Variants in KIDINS220 observed in about 807,000 individuals in gnomAD.
The protein encoded by KIDINS220 is kinase D interacting substrate 220.
KIDINS220 carries 63 observed loss-of-function variants against 157.6 expected under a neutral mutation model. That is an observed-to-expected ratio of 0.40 (90% CI 0.33 to 0.49). The LOEUF (loss-of-function observed/expected upper bound fraction) is 0.49, where lower values mean the gene tolerates loss of function less well. Ranked by LOEUF, KIDINS220 falls within the 20% of genes least tolerant of loss-of-function variation. The pLI is 0.66. For missense variants in KIDINS220, 1,772 were observed against 2,171.2 expected (o/e 0.82, Z 3.65); for synonymous variants, 732 against 783.6 (o/e 0.93, Z 1.10).
At chr2:8,803,459 T>C (rs1038106910) in intron 7 of KIDINS220, among the ~76,000 whole-genome samples, 4 of 152,126 alleles carry the variant, frequency 2.6e-5, no homozygotes, top group African/African-American at 9.7e-5. Context: ...AGGGTGACTA[T>C]TTTAACACCT....
At chr2:8,741,391 AC>A (rs1665605365) in intron 26 of KIDINS220, among the ~76,000 whole-genome samples, 1 of 152,204 alleles carries the variant, frequency 6.6e-6, no homozygotes, top group South Asian at 2.1e-4. Flanking sequence ...ACATGGCTAA[AC>A]ACTGTTTCTA....
chr2:8,787,576 A>G (rs1355573338), intron 15 of KIDINS220, among the ~76,000 whole-genome samples: 4 of 151,896 alleles, frequency 2.6e-5, no homozygotes, highest in Admixed American at 2.6e-4. Flanking sequence ...GCCTTTACCC[A>G]GGCTTGTTTT....
chr2:8,741,949 C>G (rs529867934), intron 26 of KIDINS220, among the ~76,000 whole-genome samples: 3 of 152,174 alleles, frequency 2.0e-5, no homozygotes, highest in Non-Finnish European at 4.4e-5. Context: ...TGCAAAGTCG[C>G]TGAGAGCTGA....
chr2:8,733,294 T>A lies in KIDINS220; in HGVS notation c.4053+150A>T. 5 of 692,278 alleles carry A rather than the reference T, an allele frequency of 7.2e-6. No homozygotes were observed. The South Asian group carries it at 9.8e-5, about 14-fold the overall frequency. 42.9% of individuals were successfully genotyped at this position (692,278 alleles called of 1,614,324 possible). A position where few individuals can be genotyped will look rare whatever the true frequency, so the allele number is the denominator to read the frequency against. ...CCCTCTCCACATGGATGCAGCTCCT[T>A]GAGTACAGGGAGCCCTCCATCTTGT... On this transcript the variant is annotated intron_variant, in intron 29 of 29. Transcript: ENST00000256707.
chr2:8,725,903 A>C (rs185019917), downstream of KIDINS220, among the ~76,000 whole-genome samples: 34 of 152,354 alleles, frequency 2.2e-4, no homozygotes, highest in Admixed American at 1.8e-3. Flanking sequence ...AGCACATACC[A>C]CTAGTGTAAA....
At chr2:8,789,253 T>C (rs1257353548) in intron 14 of KIDINS220, among the ~76,000 whole-genome samples, 3 of 151,922 alleles carry the variant, frequency 2.0e-5, no homozygotes. Flanking sequence ...ATACCAATGA[T>C]GGCTTTGAAG....
rs1558306918 is a variant in KIDINS220, at chr2:8,733,582, A to C, written c.3915T>G (p.Ala1305=). ...GCAGCTCGTTGTGGGAAGCGCGGCG[A>C]GCAGGCTCACCGTGCGGGGCTGGGC... ...SSGPAPHGEP[A]RRASHNELPH... is the part of the protein sequence containing the mutation. The change falls in exon 29 of 30, where the codon GCT becomes GCG. Residue 1305 remains alanine, a synonymous_variant. Coordinates refer to ENST00000256707, the MANE Select transcript of KIDINS220 (RefSeq NM_020738.4). 1.9e-6 allele frequency: 3 copies of C among 1,614,116 alleles called. No individual in the cohort carries two copies. The highest frequency in any genetic ancestry group is 3.3e-4 in the Middle Eastern group (2 of 6,060).
chr2:8,788,963 T>A (rs1572663866), intron 14 of KIDINS220, 151 bp from the exon 15 acceptor site: 1 of 642,156 alleles, frequency 1.6e-6, no homozygotes, highest in East Asian at 2.8e-5. Context: ...AAGAATTCCA[T>A]TAACCTCCCC....
chr2:8,770,183 T>C (rs1286042897), intron 22 of KIDINS220, among the ~76,000 whole-genome samples: 1 of 151,968 alleles, frequency 6.6e-6, no homozygotes. Context: ...ACAGGAGAAA[T>C]GCTTGAGCCC....
chr2:8,730,338 T>G lies in KIDINS220; in HGVS notation c.*382A>C. 9.9e-7 allele frequency: 1 copy of G among 1,011,328 alleles called. No homozygotes were observed. Among genetic ancestry groups the G allele is most frequent in the Non-Finnish European group, 1.2e-6 (1 of 847,070 alleles). 62.6% of individuals were successfully genotyped at this position (1,011,328 alleles called of 1,614,324 possible). On this transcript the variant is annotated 3_prime_UTR_variant, in exon 30 of 30. Transcript: ENST00000256707. ...AACGCCACGTCTTCCCTCAAATGTGTGGTCACCAAATGTTTGCAAAAAGGG... is the reference window on the plus strand; with the variant it reads ...AACGCCACGTCTTCCCTCAAATGTGGGGTCACCAAATGTTTGCAAAAAGGG...
chr2:8,837,600 C>T lies in KIDINS220; in HGVS notation c.-157G>A, dbSNP rs1680627406. On this transcript the variant is annotated 5_prime_UTR_variant, in exon 1 of 30. Coordinates refer to ENST00000256707, the MANE Select transcript of KIDINS220 (RefSeq NM_020738.4). The stretch of plus-strand genomic sequence containing the variant: ...ACCACACCCGGCGGCCATATTCTTC[C>T]CTCTCCGCGAACTGACAGATCACGT... The T allele has an allele frequency of 6.6e-6, 1 of 152,328 alleles. No homozygotes were observed. Among genetic ancestry groups the T allele is most frequent in the South Asian group, 2.1e-4 (1 of 4,828 alleles). 9.4% of individuals were successfully genotyped at this position (152,328 alleles called of 1,614,324 possible). A position where few individuals can be genotyped will look rare whatever the true frequency, so the allele number is the denominator to read the frequency against.
Position 8,731,441 on chromosome 2 carries a change from T to A in KIDINS220, c.4595A>T (p.Asp1532Val), listed in dbSNP as rs748669443. The A allele has an allele frequency of 6.2e-7, 1 of 1,614,238 alleles. No homozygotes were observed. Among genetic ancestry groups the A allele is most frequent in the South Asian group, 1.1e-5 (1 of 91,086 alleles). ...GTCATCTTTGAGCAGTGGAGTGTTA[T>A]CTGATTCTTCTGTGCCAGATTCATC... ...DEDESGTEES[D>V]NTPLLKDDKD... The change falls in exon 30 of 30, where the codon GAT becomes GTT. Residue 1532 changes from aspartate to valine, a missense_variant. Physicochemically the swap from Asp to Val is radical, Grantham distance 152. This residue lies in a region of KIDINS220 where 793 missense variants were observed against 885.5 expected (regional missense o/e 0.90). Coordinates refer to ENST00000256707, the MANE Select transcript of KIDINS220 (RefSeq NM_020738.4). The surrounding 1 kb of genome is among the most constrained non-coding windows in gnomAD (Gnocchi z 5.2).
chr2:8,819,588 C>A (rs1220136292), intron 2 of KIDINS220, among the ~76,000 whole-genome samples: 1 of 152,168 alleles, frequency 6.6e-6, no homozygotes, highest in Non-Finnish European at 1.5e-5. Flanking sequence ...CTTTGGGAGG[C>A]CAAGGTGGAC....
chr2:8,775,952 C>T (rs1402278975), intron 21 of KIDINS220, among the ~76,000 whole-genome samples: 2 of 152,144 alleles, frequency 1.3e-5, no homozygotes, highest in African/African-American at 4.8e-5. Context: ...AGAAATGTTA[C>T]CTGACATAAG....
intron 1 of KIDINS220, among the ~76,000 whole-genome samples, chr2:8,827,714 T>A (rs1679021123): frequency 6.6e-6 from 1 of 152,150 alleles, no homozygotes; most frequent in South Asian, 2.1e-4. Context: ...TAATTAAGTA[T>A]GGGAGGTGAT....
At chr2:8,740,051 C>T in intron 26 of KIDINS220, 1 of 339,058 alleles carries the variant, frequency 2.9e-6, no homozygotes, top group Non-Finnish European at 4.2e-6. Context: ...CCGAACGCAC[C>T]TTAGTGAGCA....
intron 12 of KIDINS220, among the ~76,000 whole-genome samples, chr2:8,792,357 C>A (rs1204217950): frequency 6.6e-6 from 1 of 151,874 alleles, no homozygotes; most frequent in African/African-American, 2.4e-5. Flanking sequence ...TGGGATAGAC[C>A]CAGGATCAAT....
intron 1 of KIDINS220, among the ~76,000 whole-genome samples, chr2:8,827,585 C>A (rs1300815553): frequency 6.6e-6 from 1 of 152,298 alleles, no homozygotes; most frequent in East Asian, 1.9e-4. Flanking sequence ...CACTTCATCA[C>A]TGCCACCCTG....
downstream of KIDINS220, among the ~76,000 whole-genome samples, chr2:8,727,835 C>T (rs769010648): frequency 3.3e-5 from 5 of 152,028 alleles, no homozygotes; most frequent in African/African-American, 4.8e-5. Flanking sequence ...CTTAAATTTC[C>T]CAGTGTTGGA....
Sources: gnomAD v4.1 joint callset for allele counts (sites outside exome capture counted in the v4.1 genomes callset) on GRCh38, gnomAD v4.1.1 for gene constraint, gnomAD v4.1.1 regional missense constraint, Gnocchi (gnomAD v3.1) non-coding constraint, MANE v1.5 for transcripts, NCBI Gene and HGNC (gene_info 2026-07-23, HGNC 2026-07-21) for gene names.